The following HS6ST3 variants were observed in gnomAD, a reference collection of about 807,000 sequenced individuals.
The protein encoded by HS6ST3 is heparan sulfate 6-O-sulfotransferase 3, also known as heparan-sulfate 6-O-sulfotransferase 3.
A neutral mutation model predicts 36.7 loss-of-function variants in HS6ST3; 12 were observed. That is an observed-to-expected ratio of 0.33 (90% CI 0.21 to 0.53). The LOEUF is 0.53. Among genes scored for constraint, HS6ST3 ranks in the 20% least tolerant of loss-of-function variants. The pLI, the probability that HS6ST3 is intolerant of heterozygous loss-of-function variation, is 0.95. For synonymous variants in HS6ST3, 240 were observed against 257.5 expected (o/e 0.93, Z 0.65); for missense variants, 584 against 640.9 (o/e 0.91, Z 0.96).
intron 1 of HS6ST3, among the ~76,000 whole-genome samples, chr13:96,503,939 G>T (rs1484085637): frequency 6.6e-6 from 1 of 152,090 alleles, no homozygotes; most frequent in African/African-American, 2.4e-5. Flanking sequence ...CTTGCAGATA[G>T]TTGCCTTTTT....
intron 1 of HS6ST3, among the ~76,000 whole-genome samples, chr13:96,404,620 G>T (rs1441015573): frequency 6.6e-6 from 1 of 152,228 alleles, no homozygotes; most frequent in African/African-American, 2.4e-5. Flanking sequence ...AAGTCTGGGA[G>T]TTGTAGGGCA....
At chr13:96,396,846 G>T (rs9634490) in intron 1 of HS6ST3, among the ~76,000 whole-genome samples, 2 of 152,074 alleles carry the variant, frequency 1.3e-5, no homozygotes, top group African/African-American at 2.4e-5. Context: ...AAAAACAAGT[G>T]CATGGCAAAG....
At chr13:96,792,932 T>C (rs1162051121) in intron 1 of HS6ST3, among the ~76,000 whole-genome samples, 1 of 152,060 alleles carries the variant, frequency 6.6e-6, no homozygotes, top group Non-Finnish European at 1.5e-5. Context: ...TCAATCTTTC[T>C]CTAATCAGCA....
chr13:96,471,430 T>C (rs1566370569), intron 1 of HS6ST3, among the ~76,000 whole-genome samples: 2 of 152,166 alleles, frequency 1.3e-5, no homozygotes, highest in Non-Finnish European at 2.9e-5. Flanking sequence ...CTTCTGGGGT[T>C]GCACCTTGAG....
chr13:96,770,299 T>G (rs1268050360), intron 1 of HS6ST3, among the ~76,000 whole-genome samples: 1 of 152,218 alleles, frequency 6.6e-6, no homozygotes, highest in African/African-American at 2.4e-5. Flanking sequence ...TAATTGAAAA[T>G]GGATGCTGAT....
At chr13:96,400,607 A>G (rs941504388) in intron 1 of HS6ST3, among the ~76,000 whole-genome samples, 2 of 152,136 alleles carry the variant, frequency 1.3e-5, no homozygotes, top group Non-Finnish European at 2.9e-5. Context: ...GAACAGGAGC[A>G]TATCAGAAGA....
intron 1 of HS6ST3, among the ~76,000 whole-genome samples, chr13:96,787,713 G>C (rs558717229): frequency 6.6e-6 from 1 of 152,050 alleles, no homozygotes; most frequent in Admixed American, 6.6e-5. Context: ...ACTGTAGCTT[G>C]TCAGTTCTTC....
intron 1 of HS6ST3, among the ~76,000 whole-genome samples, chr13:96,462,987 T>C (rs529409336): frequency 4.2e-4 from 64 of 152,306 alleles, no homozygotes; most frequent in Non-Finnish European, 7.5e-4. Context: ...TAAATTTGAT[T>C]TGAAAAAATT....
intron 1 of HS6ST3, among the ~76,000 whole-genome samples, chr13:96,363,606 A>C (rs922608587): frequency 6.6e-6 from 1 of 152,186 alleles, no homozygotes; most frequent in African/African-American, 2.4e-5. Flanking sequence ...TATCTTTTTT[A>C]AACACTTGTG....
chr13:96,555,714 C>G (rs2056237776), intron 1 of HS6ST3, among the ~76,000 whole-genome samples: 1 of 151,828 alleles, frequency 6.6e-6, no homozygotes, highest in Non-Finnish European at 1.5e-5. Flanking sequence ...CTATGAACAA[C>G]TTTTGTTATT....
intron 1 of HS6ST3, among the ~76,000 whole-genome samples, chr13:96,184,725 T>A (rs2054257474): frequency 6.6e-6 from 1 of 152,110 alleles, no homozygotes; most frequent in Non-Finnish European, 1.5e-5. Context: ...TTTTAACATG[T>A]CCTTCCTCCC....
rs1273592790 is a variant in HS6ST3 at position 96,509,013 on chromosome 13, C to A, written c.708-323477C>A. 5.9e-5 allele frequency among the ~76,000 whole-genome samples: 9 copies of A among 152,234 alleles called. No homozygotes were observed. In the East Asian group the frequency reaches 1.7e-3, roughly 29 times the overall value. On this transcript the variant is annotated intron_variant, in intron 1 of 1. Coordinates refer to ENST00000376705, the MANE Select transcript of HS6ST3 (RefSeq NM_153456.4). ...CTTCTCCCTGCATCCAGGGCAACAT[C>A]TCTTGTTTTTTGACTTTTTAATAAT...
At chr13:96,225,521 T>A (rs2054476180) in intron 1 of HS6ST3, among the ~76,000 whole-genome samples, 1 of 152,254 alleles carries the variant, frequency 6.6e-6, no homozygotes, top group Admixed American at 6.5e-5. Context: ...ATGTTGAATA[T>A]GCAGCTCTTT....
intron 1 of HS6ST3, among the ~76,000 whole-genome samples, chr13:96,287,409 T>C (rs2054809035): frequency 6.6e-6 from 1 of 152,146 alleles, no homozygotes; most frequent in South Asian, 2.1e-4. Flanking sequence ...TAGAGCTATT[T>C]TAAGATATTT....
rs1470124581 is a variant in HS6ST3 at position 96,192,332 on chromosome 13, T to A, written c.707+100763T>A. Among the ~76,000 whole-genome samples, 3 of 152,214 alleles carry A rather than the reference T, an allele frequency of 2.0e-5. No individual in the cohort carries two copies. The East Asian group carries it at 5.8e-4, about 29-fold the overall frequency. On this transcript the variant is annotated intron_variant, in intron 1 of 1. Transcript: ENST00000376705. ...TTTAGATTCAATGGGTACATGTGCA[T>A]GTTTGTTACATGGATATATTTCATG... is the stretch of plus-strand genomic sequence containing the variant.
intron 1 of HS6ST3, among the ~76,000 whole-genome samples, chr13:96,765,171 T>G (rs1473931435): frequency 6.6e-6 from 1 of 150,964 alleles, no homozygotes; most frequent in East Asian, 2.0e-4. Flanking sequence ...CCTTCTGGGT[T>G]CACGCCATTC....
intron 1 of HS6ST3, among the ~76,000 whole-genome samples, chr13:96,398,277 C>G (rs563355341): frequency 2.9e-4 from 44 of 152,050 alleles, no homozygotes; most frequent in African/African-American, 1.0e-3. Context: ...TTATCTATTG[C>G]ATTTTATTTA....
intron 1 of HS6ST3, among the ~76,000 whole-genome samples, chr13:96,468,703 T>C (rs928775020): frequency 1.3e-5 from 2 of 152,170 alleles, no homozygotes; most frequent in African/African-American, 4.8e-5. Context: ...ACTATACGTA[T>C]CCTATAGAGC....
chr13:96,322,734 A>G (rs2055010580), intron 1 of HS6ST3, among the ~76,000 whole-genome samples: 1 of 152,040 alleles, frequency 6.6e-6, no homozygotes, highest in South Asian at 2.1e-4. Context: ...TCCGTTCTAC[A>G]TTTTCCTTTC....
Sources: gnomAD v4.1 joint callset for allele counts (sites outside exome capture counted in the v4.1 genomes callset) on GRCh38, gnomAD v4.1.1 for gene constraint, MANE v1.5 for transcripts, NCBI Gene and HGNC (gene_info 2026-07-23, HGNC 2026-07-21) for gene names.